Variants in FRK observed in about 807,000 individuals in gnomAD.
The protein encoded by FRK is fyn related Src family tyrosine kinase.
FRK carries 51 observed loss-of-function variants against 56.4 expected under a neutral mutation model. The observed-to-expected ratio is 0.90, with a 90% CI of 0.72 to 1.14. The LOEUF is 1.14. Ranked by LOEUF, FRK falls within the 50% of genes most tolerant of loss-of-function variation. The pLI, the probability that FRK is intolerant of heterozygous loss-of-function variation, is 0.00. For missense variants in FRK, 570 were observed against 601.4 expected, an observed-to-expected ratio of 0.95 and a Z score of 0.55; for synonymous variants, 245 against 217.9, an observed-to-expected ratio of 1.12 and a Z score of -1.10.
chr6:116,076,473 A>G, the FRK span, among the ~76,000 whole-genome samples: 2 of 152,186 alleles, frequency 1.3e-5, no homozygotes, highest in Non-Finnish European at 2.9e-5. Context: ...CTATCTTTTT[A>G]TAACAAATGA....
chr6:115,956,595 T>A lies in FRK; in HGVS notation c.815A>T (p.Asn272Ile). 15 of 1,564,636 alleles carry A rather than the reference T, an allele frequency of 9.6e-6. No individual in the cohort carries two copies. Among genetic ancestry groups the A allele is most frequent in the Non-Finnish European group, 1.0e-5 (12 of 1,156,724 alleles). The change falls in exon 5 of 8, where the codon AAT becomes ATT. Residue 272 changes from asparagine to isoleucine, a missense_variant. By Grantham distance (149) the Asn-to-Ile change is moderately radical. Coordinates refer to ENST00000606080, the MANE Select transcript of FRK (RefSeq NM_002031.3). The stretch of plus-strand genomic sequence containing the variant: ...TATCTGTGCCTCCCTCAGGAAGTCA[T>A]TTGGATCCATTGAACCTGAAACAAG... ...KTLKPGSMDPNDFLREAQIMK... is the reference protein window; with the variant it reads ...KTLKPGSMDPIDFLREAQIMK...
At chr6:115,967,137 T>C (rs966497299) in intron 4 of FRK, among the ~76,000 whole-genome samples, 1 of 152,218 alleles carries the variant, frequency 6.6e-6, no homozygotes, top group African/African-American at 2.4e-5. Flanking sequence ...AGATGGACCA[T>C]TTTGCCTTTT....
the FRK span, among the ~76,000 whole-genome samples, chr6:116,088,539 A>G: frequency 6.6e-6 from 1 of 152,244 alleles, no homozygotes. Context: ...ATATGTACAC[A>G]CATATAATTG....
At chr6:115,974,962 T>C (rs1430119748) in intron 2 of FRK, among the ~76,000 whole-genome samples, 1 of 152,166 alleles carries the variant, frequency 6.6e-6, no homozygotes, top group East Asian at 1.9e-4. Context: ...ATCCAATAAA[T>C]AGAGGTTGGC....
the FRK span, among the ~76,000 whole-genome samples, chr6:116,096,335 C>T: frequency 6.6e-6 from 1 of 152,198 alleles, no homozygotes; most frequent in Non-Finnish European, 1.5e-5. Flanking sequence ...GCCAGCTGTA[C>T]TTTGTGGGTC....
the FRK span, among the ~76,000 whole-genome samples, chr6:116,083,063 C>G: frequency 1.3e-5 from 2 of 152,026 alleles, no homozygotes; most frequent in African/African-American, 2.4e-5. Flanking sequence ...AAGGATCAGT[C>G]AATGAAGAAG....
At chr6:115,976,984 G>T (rs1774013946) in intron 2 of FRK, among the ~76,000 whole-genome samples, 2 of 152,058 alleles carry the variant, frequency 1.3e-5, no homozygotes, top group Non-Finnish European at 2.9e-5. Flanking sequence ...CTAAGAAATT[G>T]CTATTAATTC....
chr6:116,037,388 A>G (rs186372584), intron 1 of FRK, among the ~76,000 whole-genome samples: 147 of 152,350 alleles, frequency 9.6e-4, no homozygotes, highest in African/African-American at 3.4e-3. Context: ...AAGTAGAATG[A>G]GGGAAGAAAT....
chr6:115,985,671 C>T (rs763289550), intron 2 of FRK, among the ~76,000 whole-genome samples: 8 of 151,970 alleles, frequency 5.3e-5, no homozygotes, highest in Non-Finnish European at 8.8e-5. Context: ...AATAAATATG[C>T]TAAAACATGT....
At chr6:115,951,167 T>C (rs1349855154) in intron 5 of FRK, among the ~76,000 whole-genome samples, 1 of 151,906 alleles carries the variant, frequency 6.6e-6, no homozygotes, top group Non-Finnish European at 1.5e-5. Context: ...TTAAGTATAA[T>C]CTTAAAAAAT....
chr6:115,992,334 T>C (rs981158909), intron 2 of FRK, among the ~76,000 whole-genome samples: 1 of 151,730 alleles, frequency 6.6e-6, no homozygotes, highest in East Asian at 1.9e-4. Context: ...TTTCTGGGTC[T>C]TAAATCACTT....
At position 115,942,081 on chromosome 6, in the gene FRK, T is replaced by G; in HGVS notation, c.*333A>C. The G allele has an allele frequency of 4.2e-6, 1 of 240,032 alleles. No individual in the cohort carries two copies. The highest frequency in any genetic ancestry group is 8.3e-6 in the Non-Finnish European group (1 of 120,242). The allele number at this position is 240,032 out of a possible 1,614,324, so 14.9% of individuals were successfully genotyped here. On this transcript the variant is annotated 3_prime_UTR_variant, in exon 8 of 8. Coordinates refer to ENST00000606080, the MANE Select transcript of FRK (RefSeq NM_002031.3). Reference sequence around the variant, plus strand: ...GGAAAATGCTACAACAGTCACTGAGTAAAAATTGGACTATCATCTGTTGAT... The same window carrying G: ...GGAAAATGCTACAACAGTCACTGAGGAAAAATTGGACTATCATCTGTTGAT...
In FRK at chr6:115,971,380, G is replaced by A. The variant is rs573148283; in HGVS notation, c.467-2641C>T. Among the ~76,000 whole-genome samples, 5 of 152,266 alleles carry A rather than the reference G, an allele frequency of 3.3e-5. No homozygotes were observed. The East Asian group carries it at 9.6e-4, about 29-fold the overall frequency. On this transcript the variant is annotated intron_variant, in intron 2 of 7. Coordinates refer to ENST00000606080, the MANE Select transcript of FRK (RefSeq NM_002031.3). ...ATAACTGAGTTGACTTGCACTATAGGAGTATTTGCTATAAGCCAGAAAAAT... is the reference window on the plus strand; with the variant it reads ...ATAACTGAGTTGACTTGCACTATAGAAGTATTTGCTATAAGCCAGAAAAAT...
chr6:116,063,624 TG>T (rs1777693906), upstream of FRK, among the ~76,000 whole-genome samples: 1 of 152,176 alleles, frequency 6.6e-6, no homozygotes, highest in South Asian at 2.1e-4. Flanking sequence ...GAGGAATAAA[TG>T]ATAAGTATTC....
At chr6:116,072,600 G>A in the FRK span, among the ~76,000 whole-genome samples, 1 of 151,516 alleles carries the variant, frequency 6.6e-6, no homozygotes, top group Non-Finnish European at 1.5e-5. Context: ...AGTTACACGT[G>A]TTTCCTTCCC....
chr6:116,038,618 G>T, intron 1 of FRK: 1 of 271,632 alleles, frequency 3.7e-6, no homozygotes, highest in Non-Finnish European at 7.3e-6. Flanking sequence ...TTAAGCTTTT[G>T]CCCATACTAA....
intron 1 of FRK, among the ~76,000 whole-genome samples, chr6:116,047,269 T>C (rs996620211): frequency 6.6e-6 from 1 of 152,034 alleles, no homozygotes; most frequent in African/African-American, 2.4e-5. Flanking sequence ...CAGGGGATAC[T>C]GAATACTTAC....
At chr6:116,075,357 T>C in the FRK span, among the ~76,000 whole-genome samples, 49 of 151,460 alleles carry the variant, frequency 3.2e-4, 1 homozygote, top group East Asian at 7.6e-3. Flanking sequence ...TATGAGTTAA[T>C]AGGTATAAAA....
rs1221776735 is a variant in FRK at position 115,933,846 on chromosome 6, C to T, written c.*8568G>A. On this transcript the variant is annotated 3_prime_UTR_variant, in exon 8 of 8. Coordinates refer to ENST00000606080, the MANE Select transcript of FRK (RefSeq NM_002031.3). ...TTAAATAAACAAGTTGTTCTATACA[C>T]AGTCAACTAATTTGAAAGATTAGTG... 6.6e-6 allele frequency: 1 copy of T among 152,130 alleles called. No individual in the cohort carries two copies. The highest frequency in any genetic ancestry group is 2.4e-5 in the African/African-American group (1 of 41,424). 9.4% of individuals were successfully genotyped at this position (152,130 alleles called of 1,614,324 possible).
Sources: gnomAD v4.1 joint callset for allele counts (sites outside exome capture counted in the v4.1 genomes callset) on GRCh38, gnomAD v4.1.1 for gene constraint, MANE v1.5 for transcripts, NCBI Gene and HGNC (gene_info 2026-07-23, HGNC 2026-07-21) for gene names.